Variants in BEND6 observed in about 807,000 individuals in gnomAD.
BEND6 encodes the protein BEN domain containing 6, also known as BEN domain-containing protein 6.
BEND6 carries 24 observed loss-of-function variants against 31.8 expected under a neutral mutation model. The ratio of observed to expected loss-of-function variants is 0.75; its 90% CI spans 0.55 to 1.06. The LOEUF is 1.06. Among genes scored for constraint, BEND6 ranks in the 50% least tolerant of loss-of-function variants. The pLI, the probability that BEND6 is intolerant of heterozygous loss-of-function variation, is 0.00. For missense variants in BEND6, 294 were observed against 327.4 expected, an observed-to-expected ratio of 0.90 and a Z score of 0.79; for synonymous variants, 109 against 114.6, an observed-to-expected ratio of 0.95 and a Z score of 0.31.
At chr6:56,960,870 A>T (rs1825263744) in intron 1 of BEND6, among the ~76,000 whole-genome samples, 1 of 152,246 alleles carries the variant, frequency 6.6e-6, no homozygotes, top group Non-Finnish European at 1.5e-5. Flanking sequence ...GTAGCCACAA[A>T]TACTTTATGG....
chr6:56,970,375 A>G (rs1262122187), intron 1 of BEND6, among the ~76,000 whole-genome samples: 6 of 152,104 alleles, frequency 3.9e-5, no homozygotes, highest in Admixed American at 3.3e-4. Context: ...TTGTTTCACC[A>G]TGTTGGCCAG....
rs757543006 is a variant in BEND6, at chr6:57,015,370, G to A, written c.519+17G>A. The A allele has an allele frequency of 1.3e-5, 21 of 1,584,548 alleles. No individual in the cohort carries two copies. Among genetic ancestry groups the A allele is most frequent in the East Asian group, 4.5e-5 (2 of 44,702 alleles). On this transcript the variant is annotated intron_variant, in intron 4 of 6. Coordinates refer to ENST00000370746, the MANE Select transcript of BEND6 (RefSeq NM_152731.3). ...GAGAAACAGGTCAGTTGTAATACCC[G>A]CCTTATTGTTCTTTGGAATATGCTT...
intron 3 of BEND6, chr6:57,014,631 A>T: frequency 3.5e-6 from 3 of 853,862 alleles, no homozygotes; most frequent in Non-Finnish European, 5.1e-6. Context: ...GTGCATTTTT[A>T]ATAATTTGAT....
At chr6:56,973,467 T>C (rs906408845) in intron 1 of BEND6, among the ~76,000 whole-genome samples, 40 of 152,204 alleles carry the variant, frequency 2.6e-4, no homozygotes, top group African/African-American at 8.9e-4. Flanking sequence ...CCTATGATAA[T>C]GTTTAATTTA....
chr6:57,014,604 A>G, intron 3 of BEND6: 1 of 1,079,810 alleles, frequency 9.3e-7, no homozygotes. Flanking sequence ...ATCACAACAC[A>G]GGTTTGAATT....
intron 1 of BEND6, among the ~76,000 whole-genome samples, chr6:56,958,240 C>A (rs978398903): frequency 6.6e-5 from 10 of 152,312 alleles, no homozygotes; most frequent in Admixed American, 4.6e-4. Flanking sequence ...CTGAGTTTTT[C>A]CATCACTAAG....
chr6:56,975,023 G>T (rs968210883), intron 1 of BEND6, among the ~76,000 whole-genome samples: 1 of 152,146 alleles, frequency 6.6e-6, no homozygotes, highest in Non-Finnish European at 1.5e-5. Context: ...GGAGGCTGAG[G>T]TGGAGAATCA....
At chr6:57,018,616 A>T in intron 6 of BEND6, 59 bp downstream of exon 6, 1 of 1,353,266 alleles carries the variant, frequency 7.4e-7, no homozygotes, top group East Asian at 2.8e-5. Context: ...TAATACTTTT[A>T]TTTTATTGGA....
In BEND6 at chr6:57,001,003, A is replaced by C. The variant is rs143379784; in HGVS notation, c.298+8448A>C. Among the ~76,000 whole-genome samples, 427 of 151,982 alleles carry C rather than the reference A, an allele frequency of 2.8e-3. 3 individuals carry two copies. The East Asian group carries it at 0.036, about 13-fold the overall frequency. On this transcript the variant is annotated intron_variant, in intron 3 of 6. Coordinates refer to ENST00000370746, the MANE Select transcript of BEND6 (RefSeq NM_152731.3). ...GAGAAAAAGGAAAGAAAAAGAAAAA[A>C]CATTTTAGGGAAAGGAAAAAAAAAG...
At chr6:56,994,848 T>C (rs1420093151) in intron 3 of BEND6, among the ~76,000 whole-genome samples, 2 of 152,186 alleles carry the variant, frequency 1.3e-5, no homozygotes, top group Non-Finnish European at 2.9e-5. Context: ...CATATAAAAA[T>C]AATCACTTAC....
intron 2 of BEND6, among the ~76,000 whole-genome samples, chr6:56,983,018 A>T (rs1309098663): frequency 6.6e-6 from 1 of 152,142 alleles, no homozygotes; most frequent in African/African-American, 2.4e-5. Flanking sequence ...GTTTCCTATG[A>T]TAAATATCAG....
chr6:56,970,384 A>C (rs1825651733), intron 1 of BEND6, among the ~76,000 whole-genome samples: 1 of 152,056 alleles, frequency 6.6e-6, no homozygotes, highest in South Asian at 2.1e-4. Context: ...CATGTTGGCC[A>C]GGCTTGTCAC....
At chr6:56,961,015 A>G (rs1338592267) in intron 1 of BEND6, among the ~76,000 whole-genome samples, 1 of 152,216 alleles carries the variant, frequency 6.6e-6, no homozygotes, top group Non-Finnish European at 1.5e-5. Context: ...ACTGGAATTC[A>G]TGAGTAGGTT....
chr6:56,997,637 T>C lies in BEND6; in HGVS notation c.298+5082T>C, dbSNP rs150020333. Among the ~76,000 whole-genome samples the C allele has an allele frequency of 8.5e-3, 1,294 of 152,304 alleles. 16 individuals carry two copies. Among genetic ancestry groups the C allele is most frequent in the African/African-American group, 0.028 (1,163 of 41,554 alleles). On this transcript the variant is annotated intron_variant, in intron 3 of 6. Transcript: ENST00000370746. ...GGCGCAATCTCGGCTCACTGCAAGC[T>C]CCGCCTCCCAGGTTCACGCCATTCT...
At chr6:56,963,893 TATA>T (rs1825372855) in intron 1 of BEND6, among the ~76,000 whole-genome samples, 1 of 147,886 alleles carries the variant, frequency 6.8e-6, no homozygotes, top group African/African-American at 2.5e-5. Context: ...AAATTAATGT[TATA>T]ATTACAATAT....
At chr6:57,015,810 G>GAA (rs888955685) in intron 4 of BEND6, among the ~76,000 whole-genome samples, 18 of 94,192 alleles carry the variant, frequency 1.9e-4, no homozygotes, top group Admixed American at 9.8e-4. Flanking sequence ...GACTCCGTCT[G>GAA]AAAAAAAAAA....
chr6:56,959,356 A>G (rs2127836493), intron 1 of BEND6, among the ~76,000 whole-genome samples: 1 of 152,320 alleles, frequency 6.6e-6, no homozygotes, highest in East Asian at 1.9e-4. Flanking sequence ...GTTGTCTGTG[A>G]TTATTACCAA....
chr6:56,983,129 C>G (rs560592197), intron 2 of BEND6, among the ~76,000 whole-genome samples: 5 of 152,030 alleles, frequency 3.3e-5, no homozygotes, highest in African/African-American at 9.7e-5. Context: ...AAATATAGAC[C>G]TTAATCTGTT....
chr6:56,973,371 C>T (rs9370550), intron 1 of BEND6, among the ~76,000 whole-genome samples: 13,029 of 152,154 alleles, frequency 0.086, 740 homozygotes, highest in East Asian at 0.18. Flanking sequence ...CCCTTATCCA[C>T]GGAAGATGCA....
Sources: gnomAD v4.1 joint callset for allele counts (sites outside exome capture counted in the v4.1 genomes callset) on GRCh38, gnomAD v4.1.1 for gene constraint, MANE v1.5 for transcripts, NCBI Gene and HGNC (gene_info 2026-07-23, HGNC 2026-07-21) for gene names.